SPATS2: variants seen among roughly 807,000 people sequenced by gnomAD.
SPATS2 encodes spermatogenesis-associated serine-rich protein 2.
Under a neutral mutation model 63.7 loss-of-function variants are expected in SPATS2, and 38 were observed. The observed-to-expected ratio is 0.60, with a 90% CI of 0.46 to 0.78. SPATS2 has a LOEUF of 0.78. Among genes scored for constraint, SPATS2 ranks in the 30% least tolerant of loss-of-function variants. The pLI is 0.00. For synonymous variants in SPATS2, 207 were observed against 232.9 expected, an observed-to-expected ratio of 0.89 and a Z score of 1.01; for missense variants, 588 against 666.2, an observed-to-expected ratio of 0.88 and a Z score of 1.29.
chr12:49,401,541 A>G (rs1944605226), intron 2 of SPATS2, among the ~76,000 whole-genome samples: 1 of 152,160 alleles, frequency 6.6e-6, no homozygotes, highest in African/African-American at 2.4e-5. Context: ...AGCAATCCCA[A>G]ACATCATATT....
chr12:49,404,234 G>C (rs980148705), intron 2 of SPATS2, among the ~76,000 whole-genome samples: 1 of 151,918 alleles, frequency 6.6e-6, no homozygotes, highest in African/African-American at 2.4e-5. Flanking sequence ...AGTCTTAGGT[G>C]GGGTAGGGAG....
rs145486347 is a variant in SPATS2, at chr12:49,448,341, G to A, written c.-243-12429G>A. ...TTTTTAGTAGAAACGGGGTTTCACC[G>A]TGTTAGTCAGGATGGTCTCGATCTC... On this transcript the variant is annotated intron_variant, in intron 2 of 13. Coordinates refer to ENST00000552918, the MANE Select transcript of SPATS2 (RefSeq NM_023071.4). Among the ~76,000 whole-genome samples, 457 of 151,678 alleles carry A rather than the reference G, an allele frequency of 3.0e-3. 1 individual carries two copies. Among genetic ancestry groups the A allele is most frequent in the African/African-American group, 0.01 (432 of 41,376 alleles).
chr12:49,431,449 C>T (rs1171631932), intron 2 of SPATS2, among the ~76,000 whole-genome samples: 2 of 152,044 alleles, frequency 1.3e-5, no homozygotes, highest in Non-Finnish European at 2.9e-5. Flanking sequence ...GGGGTTTCAC[C>T]GTGTTGGTCA....
chr12:49,448,712 C>CAAAA (rs780015868), intron 2 of SPATS2, among the ~76,000 whole-genome samples: 1 of 58,266 alleles, frequency 1.7e-5, no homozygotes, highest in African/African-American at 6.4e-5. Flanking sequence ...GACCCTGTCT[C>CAAAA]AAAAAAAAAA....
At position 49,527,143 on chromosome 12, in the gene SPATS2, C is replaced by T. The variant is rs1346726337; in HGVS notation, c.*888C>T. 1 of 150,742 alleles carries T rather than the reference C, an allele frequency of 6.6e-6. No individual in the cohort carries two copies. The highest frequency in any genetic ancestry group is 1.5e-5 in the Non-Finnish European group (1 of 67,994). 9.3% of individuals were successfully genotyped at this position (150,742 alleles called of 1,614,324 possible). On this transcript the variant is annotated 3_prime_UTR_variant, in exon 14 of 14. Coordinates refer to ENST00000552918, the MANE Select transcript of SPATS2 (RefSeq NM_023071.4). ...TCAGGAGGCTGAGGCAGGAGAATCG[C>T]TTGAACCCAGGAGGCGGAGGCTGCA...
intron 9 of SPATS2, among the ~76,000 whole-genome samples, chr12:49,503,387 T>C (rs983658689): frequency 1.4e-5 from 2 of 146,332 alleles, no homozygotes; most frequent in African/African-American, 5.1e-5. Flanking sequence ...CGGTGGCTCA[T>C]GCCTGTAATC....
At chr12:49,496,125 C>T (rs1016056195) in intron 7 of SPATS2, among the ~76,000 whole-genome samples, 15 of 152,134 alleles carry the variant, frequency 9.9e-5, no homozygotes, top group Non-Finnish European at 1.8e-4. Context: ...AGTATACACA[C>T]ATACACAAAA....
intron 2 of SPATS2, among the ~76,000 whole-genome samples, chr12:49,458,318 A>G (rs1301034762): frequency 6.6e-6 from 1 of 151,482 alleles, no homozygotes; most frequent in Non-Finnish European, 1.5e-5. Context: ...AAATACAAAA[A>G]TTAGTCGGGT....
At chr12:49,492,551 G>C (rs1017869581) in intron 6 of SPATS2, among the ~76,000 whole-genome samples, 1 of 152,112 alleles carries the variant, frequency 6.6e-6, no homozygotes, top group Admixed American at 6.5e-5. Flanking sequence ...ATTAGCCCAG[G>C]ATTATAAGTT....
intron 6 of SPATS2, among the ~76,000 whole-genome samples, chr12:49,493,263 C>T (rs767326356): frequency 3.9e-5 from 6 of 152,080 alleles, no homozygotes; most frequent in Non-Finnish European, 8.8e-5. Flanking sequence ...TTAGGTGTTG[C>T]CAGTGGAGCT....
intron 2 of SPATS2, among the ~76,000 whole-genome samples, chr12:49,429,470 G>C (rs905673414): frequency 1.3e-5 from 2 of 151,972 alleles, no homozygotes; most frequent in Non-Finnish European, 2.9e-5. Context: ...TTCCTTTTTT[G>C]AGTCTCACTC....
Position 49,524,671 on chromosome 12 carries a change from TTC to T in SPATS2, c.1112-9_1112-8del. 6.2e-7 allele frequency: 1 copy of T among 1,613,838 alleles called. No homozygotes were observed. Among genetic ancestry groups the T allele is most frequent in the Non-Finnish European group, 8.5e-7 (1 of 1,179,710 alleles). On this transcript the variant is annotated splice_polypyrimidine_tract_variant and intron_variant, in intron 12 of 13. Transcript: ENST00000552918. ...TCATATGATCATATATTCCTCATATTTCTGTTTCAGTGTCTCATCCAAAGAAC... is the reference window on the plus strand; with the variant it reads ...TCATATGATCATATATTCCTCATATTTGTTTCAGTGTCTCATCCAAAGAAC...
Position 49,516,193 on chromosome 12 carries a change from ATATAT to A in SPATS2, c.898+1581_898+1585del, listed in dbSNP as rs1565760936. On this transcript the variant is annotated intron_variant, in intron 10 of 13. Coordinates refer to ENST00000552918, the MANE Select transcript of SPATS2 (RefSeq NM_023071.4). ...TATATATATATATATATATATATATATATATATATATATATAAATCAGGCATGGGG... is the reference window on the plus strand; with the variant it reads ...TATATATATATATATATATATATATAATATATATATAAATCAGGCATGGGG... Among the ~76,000 whole-genome samples, 14 of 106,660 alleles carry A rather than the reference ATATAT, an allele frequency of 1.3e-4. 2 individuals are homozygous for A. The highest frequency in any genetic ancestry group is 4.9e-4 in the African/African-American group (14 of 28,658). 70.0% of individuals were successfully genotyped at this position (106,660 alleles called of 152,430 possible). A position where few individuals can be genotyped will look rare whatever the true frequency, so the allele number is the denominator to read the frequency against.
chr12:49,452,434 C>T (rs1252627003), intron 2 of SPATS2, among the ~76,000 whole-genome samples: 1 of 152,186 alleles, frequency 6.6e-6, no homozygotes, highest in Non-Finnish European at 1.5e-5. Flanking sequence ...CATGCGCCAC[C>T]ACACCTGGCC....
At chr12:49,457,442 T>G (rs1203746972) in intron 2 of SPATS2, among the ~76,000 whole-genome samples, 1 of 152,058 alleles carries the variant, frequency 6.6e-6, no homozygotes, top group African/African-American at 2.4e-5. Context: ...CATCCTCTTT[T>G]TTTTTTTTGA....
At chr12:49,499,794 C>T (rs571983032) in intron 8 of SPATS2, among the ~76,000 whole-genome samples, 1 of 152,292 alleles carries the variant, frequency 6.6e-6, no homozygotes, top group Admixed American at 6.5e-5. Flanking sequence ...ACCTGTTACA[C>T]ATTGTCTGAA....
chr12:49,462,100 A>C (rs1033770801), intron 3 of SPATS2, among the ~76,000 whole-genome samples: 2 of 152,234 alleles, frequency 1.3e-5, no homozygotes, highest in Non-Finnish European at 2.9e-5. Context: ...TTTTCCAAAA[A>C]AAAAGTTAAC....
In SPATS2 at chr12:49,415,431, T is replaced by C. The variant is rs933849590; in HGVS notation, c.-244+44141T>C. 2.0e-5 allele frequency among the ~76,000 whole-genome samples: 3 copies of C among 152,240 alleles called. No homozygotes were observed. In the South Asian group the frequency reaches 6.2e-4, roughly 32 times the overall value. ...TTAATTTTTGGACCTAGCAACTCATTGCTCCTTATATTCTATATACTGCTT... is the reference window on the plus strand; with the variant it reads ...TTAATTTTTGGACCTAGCAACTCATCGCTCCTTATATTCTATATACTGCTT... On this transcript the variant is annotated intron_variant, in intron 2 of 13. Transcript: ENST00000552918.
intron 2 of SPATS2, among the ~76,000 whole-genome samples, chr12:49,436,740 C>T (rs1945305172): frequency 6.8e-6 from 1 of 146,784 alleles, no homozygotes; most frequent in Non-Finnish European, 1.5e-5. Context: ...GGGGCTGACC[C>T]CCCCACATCC....
Sources: gnomAD v4.1 joint callset for allele counts (sites outside exome capture counted in the v4.1 genomes callset) on GRCh38, gnomAD v4.1.1 for gene constraint, MANE v1.5 for transcripts, NCBI Gene and HGNC (gene_info 2026-07-23, HGNC 2026-07-21) for gene names.